The following RANBP2 variants were observed in gnomAD, a reference collection of about 807,000 sequenced individuals.
The protein encoded by RANBP2 is RAN binding protein 2, also known as E3 SUMO-protein ligase RanBP2.
RANBP2 carries 57 observed loss-of-function variants against 303.6 expected under a neutral mutation model. The ratio of observed to expected loss-of-function variants is 0.19; its 90% CI spans 0.15 to 0.23. The LOEUF (loss-of-function observed/expected upper bound fraction) is 0.23. Ranked by LOEUF, RANBP2 falls within the 10% of genes least tolerant of loss-of-function variation. RANBP2 has a pLI of 1.00. For synonymous variants in RANBP2, 1,167 were observed against 1,301.5 expected, an observed-to-expected ratio of 0.90 and a Z score of 2.23; for missense variants, 3,138 against 3,780.8, an observed-to-expected ratio of 0.83 and a Z score of 4.46.
chr2:108,763,409 G>A lies in RANBP2; in HGVS notation c.2870G>A (p.Arg957Lys). The A allele has an allele frequency of 6.2e-7, 1 of 1,613,970 alleles. No individual in the cohort carries two copies. The highest frequency in any genetic ancestry group is 8.5e-7 in the Non-Finnish European group (1 of 1,179,966). Residue 957 changes from arginine to lysine, a missense_variant, in exon 20 of 29, where the codon AGG becomes AAG. Coordinates refer to ENST00000283195, the MANE Select transcript of RANBP2 (RefSeq NM_006267.5). The part of the protein sequence containing the change: ...ESPATGILSP[R>K]GDDYFNYNVQ... ...CCTGCAACGGGAATTCTATCGCCCA[G>A]GGGTGATGATTACTTTAATTACAAT...
the RANBP2 span, chr2:109,544,965 T>G: frequency 1.0e-6 from 1 of 985,280 alleles, no homozygotes; most frequent in Non-Finnish European, 1.2e-6. Flanking sequence ...CTGTAAAATA[T>G]ATAAGCCAAT....
chr2:109,184,136 G>A, the RANBP2 span, among the ~76,000 whole-genome samples: 2 of 152,196 alleles, frequency 1.3e-5, no homozygotes, highest in Non-Finnish European at 1.5e-5. Context: ...TGTGCTTCAA[G>A]GCACTGCCCC....
the RANBP2 span, among the ~76,000 whole-genome samples, chr2:109,369,005 C>G: frequency 6.6e-6 from 1 of 152,086 alleles, no homozygotes; most frequent in Non-Finnish European, 1.5e-5. Context: ...GGCGCCTCCC[C>G]CAAGCCAGGG....
the RANBP2 span, among the ~76,000 whole-genome samples, chr2:109,511,973 T>C: frequency 6.6e-6 from 1 of 152,156 alleles, no homozygotes; most frequent in African/African-American, 2.4e-5. Flanking sequence ...CTAGATGGTG[T>C]TGCTGCCCAG....
the RANBP2 span, among the ~76,000 whole-genome samples, chr2:109,699,397 CT>C: frequency 6.6e-6 from 1 of 152,288 alleles, no homozygotes; most frequent in South Asian, 2.1e-4. Flanking sequence ...CCACATATAA[CT>C]TTTGATTTCC....
the RANBP2 span, among the ~76,000 whole-genome samples, chr2:109,083,121 C>T: frequency 7.9e-5 from 12 of 152,184 alleles, no homozygotes; most frequent in East Asian, 7.7e-4. Context: ...CCACCATGCC[C>T]GGCCAAGACC....
chr2:108,781,231 TA>T (rs752603876), intron 25 of RANBP2, 37 bp from the exon 26 acceptor site: 10 of 1,605,082 alleles, frequency 6.2e-6, no homozygotes, highest in Non-Finnish European at 7.7e-6. Flanking sequence ...ATGTAAAAAA[TA>T]GATACTAGTG....
chr2:108,843,307 A>G, the RANBP2 span, among the ~76,000 whole-genome samples: 1 of 151,938 alleles, frequency 6.6e-6, no homozygotes. Context: ...ACAGGCGCCC[A>G]CCACCATGCC....
chr2:109,307,295 T>C, the RANBP2 span, among the ~76,000 whole-genome samples: 1 of 152,186 alleles, frequency 6.6e-6, no homozygotes, highest in African/African-American at 2.4e-5. Flanking sequence ...TAATATATGA[T>C]ATTGAAGATG....
chr2:109,295,937 A>G, the RANBP2 span, among the ~76,000 whole-genome samples: 1 of 152,126 alleles, frequency 6.6e-6, no homozygotes, highest in African/African-American at 2.4e-5. Flanking sequence ...CTGTGCCGAC[A>G]CTGCTCCCTC....
the RANBP2 span, chr2:109,501,985 A>G: frequency 9.9e-6 from 3 of 303,646 alleles, no homozygotes; most frequent in Admixed American, 8.5e-5. Context: ...GTTTGCAGCC[A>G]TGGCAGCGTT....
chr2:109,638,524 C>A, the RANBP2 span, among the ~76,000 whole-genome samples: 1 of 152,142 alleles, frequency 6.6e-6, no homozygotes, highest in African/African-American at 2.4e-5. Context: ...AAAAAGATAG[C>A]AGTGATCTAA....
At chr2:109,414,474 G>A in the RANBP2 span, among the ~76,000 whole-genome samples, 2 of 152,268 alleles carry the variant, frequency 1.3e-5, no homozygotes, top group South Asian at 2.1e-4. Flanking sequence ...CATGGTCAGA[G>A]CAGAAGTTCA....
chr2:109,183,489 G>A, the RANBP2 span, among the ~76,000 whole-genome samples: 3 of 152,202 alleles, frequency 2.0e-5, no homozygotes, highest in Non-Finnish European at 2.9e-5. Flanking sequence ...CCTGGAGAGG[G>A]AGAGGTTTCA....
the RANBP2 span, among the ~76,000 whole-genome samples, chr2:108,968,210 C>T: frequency 6.6e-6 from 1 of 152,174 alleles, no homozygotes; most frequent in African/African-American, 2.4e-5. Context: ...CCAGCTGCAT[C>T]AGCATCGCCA....
the RANBP2 span, among the ~76,000 whole-genome samples, chr2:109,763,379 T>A: frequency 1.9e-4 from 29 of 150,326 alleles, 1 homozygote; most frequent in Admixed American, 1.7e-3. Flanking sequence ...GAGTCACACA[T>A]CTAAAAATGG....
At chr2:109,617,692 A>C in the RANBP2 span, 1 of 166,990 alleles carries the variant, frequency 6.0e-6, no homozygotes, top group African/African-American at 2.4e-5. Context: ...CTTTGGTCAC[A>C]TCTGTCTCTA....
At chr2:109,524,677 A>T in the RANBP2 span, among the ~76,000 whole-genome samples, 1 of 151,964 alleles carries the variant, frequency 6.6e-6, no homozygotes, top group Non-Finnish European at 1.5e-5. Flanking sequence ...CCTGGGAGGC[A>T]GAGGTTGCAG....
chr2:109,614,950 G>A, the RANBP2 span: 1 of 1,523,862 alleles, frequency 6.6e-7, no homozygotes, highest in African/African-American at 1.4e-5. Flanking sequence ...GGGGCTCGCA[G>A]GAAGAACTCG....
Sources: allele counts gnomAD v4.1 joint callset (sites outside exome capture counted in the v4.1 genomes callset), GRCh38; gene constraint gnomAD v4.1.1; transcripts MANE v1.5; gene names NCBI Gene and HGNC (gene_info 2026-07-23, HGNC 2026-07-21).